Variants in NAB2 observed in about 807,000 individuals in gnomAD.
NAB2 encodes the protein NGFI-A-binding protein 2.
Under a neutral mutation model 44.2 loss-of-function variants are expected in NAB2, and 9 were observed. The ratio of observed to expected loss-of-function variants is 0.20; its 90% confidence interval spans 0.12 to 0.36. NAB2 has a LOEUF of 0.36. Ranked by LOEUF, NAB2 falls within the 10% of genes least tolerant of loss-of-function variation. The probability of loss-of-function intolerance (pLI) is 1.00; values close to 1 mark genes in which losing one functional copy is unlikely to be tolerated. For synonymous variants in NAB2, 342 were observed against 291.0 expected (o/e 1.18, Z -1.78); for missense variants, 514 against 709.0 (o/e 0.73, Z 3.12).
Position 57,092,944 on chromosome 12 carries a change from T to A in NAB2, c.1119T>A (p.Pro373=), listed in dbSNP as rs1366974268. ...TTCACCCTGAAGAACTGGGAGGCCCTCCACTGAAGAAGCTGAAACAAGAGG... is the reference window on the plus strand; with the variant it reads ...TTCACCCTGAAGAACTGGGAGGCCCACCACTGAAGAAGCTGAAACAAGAGG... ...SRLHPEELGG[P]PLKKLKQEVG... The change falls in exon 4 of 7, where the codon CCT becomes CCA. Residue 373 remains proline, a synonymous_variant. Coordinates refer to ENST00000300131, the MANE Select transcript of NAB2 (RefSeq NM_005967.4). The A allele has an allele frequency of 6.2e-7, 1 of 1,614,170 alleles. No individual in the cohort carries two copies. Among genetic ancestry groups the A allele is most frequent in the East Asian group, 2.2e-5 (1 of 44,880 alleles).
chr12:57,092,587 A>T lies in NAB2; in HGVS notation c.1091+6A>T. ...TCCTCCTTGAAGGGCTCCAGGTGAG[A>T]CCCCTTCCCCAGGTCCTTCCTGGAC... is the stretch of plus-strand genomic sequence containing the variant. On this transcript the variant is annotated splice_donor_region_variant and intron_variant, in intron 3 of 6. Transcript: ENST00000300131. The T allele has an allele frequency of 2.5e-6, 4 of 1,613,560 alleles. No homozygotes were observed. Among genetic ancestry groups the T allele is most frequent in the Non-Finnish European group, 3.4e-6 (4 of 1,179,856 alleles).
In NAB2 at chr12:57,089,329, C is replaced by A; in HGVS notation, c.58C>A (p.Arg20Ser). ...EQPPGGGDSA[R>S]RTLQPRLKPS... ...GCCGCCGGGCGGAGGGGACAGCGCCCGCCGGACCCTGCAGCCCAGACTCAA... is the reference window on the plus strand; with the variant it reads ...GCCGCCGGGCGGAGGGGACAGCGCCAGCCGGACCCTGCAGCCCAGACTCAA... The change falls in exon 1 of 7, where the codon CGC becomes AGC. Residue 20 changes from arginine (R) to serine (S), a missense_variant. Physicochemically the swap from Arg to Ser is moderately radical, Grantham distance 110. Around this residue, in one of 5 missense-constraint regions of NAB2, gnomAD observed 56 missense variants for 45.5 expected, o/e 1.23. Coordinates refer to ENST00000300131, the MANE Select transcript of NAB2 (RefSeq NM_005967.4). The A allele has an allele frequency of 6.3e-7, 1 of 1,576,384 alleles. No homozygotes were observed. The highest frequency in any genetic ancestry group is 8.6e-7 in the Non-Finnish European group (1 of 1,161,356).
rs2033197753 is a variant in NAB2, at chr12:57,091,944, C to T, written c.903C>T (p.Ile301=). The T allele has an allele frequency of 1.2e-6, 2 of 1,613,988 alleles. No individual in the cohort carries two copies. The highest frequency in any genetic ancestry group is 1.7e-6 in the Non-Finnish European group (2 of 1,179,914). ...AGGAGATCCGCAAATACAGCATCAT[C>T]TATGGCCGTTTCGACTCTAAGCGGC... The part of the protein sequence containing the change: ...KEEEIRKYSI[I]YGRFDSKRRE... The change falls in exon 2 of 7, where the codon ATC becomes ATT. Residue 301 remains isoleucine (I), a synonymous_variant. Coordinates refer to ENST00000300131, the MANE Select transcript of NAB2 (RefSeq NM_005967.4). The surrounding 1 kb of genome is among the most constrained non-coding windows in gnomAD (Gnocchi z 7.3).
chr12:57,090,066 T>A (rs2033151746), intron 1 of NAB2, among the ~76,000 whole-genome samples: 2 of 151,948 alleles, frequency 1.3e-5, no homozygotes, highest in African/African-American at 4.8e-5. Context: ...GCCCCTGAGC[T>A]GAAGGAAAAG....
chr12:57,093,640 T>C (rs2033250666), intron 6 of NAB2, 42 bp downstream of exon 6: 2 of 1,447,082 alleles, frequency 1.4e-6, no homozygotes, highest in Non-Finnish European at 1.8e-6. Flanking sequence ...CCCCGGCCAC[T>C]CAGGCCCCAC....
At position 57,091,653 on chromosome 12, in the gene NAB2, C is replaced by A; in HGVS notation, c.612C>A (p.Gly204=). ...DVGAGGEEEA[G]SPPFSPPAGG... ...GGGCAGGAGGAGAAGAGGAGGCTGG[C>A]TCGCCCCCCTTCTCCCCCCCTGCAG... The change falls in exon 2 of 7, where the codon GGC becomes GGA. Residue 204 remains glycine (G), a synonymous_variant. Coordinates refer to ENST00000300131, the MANE Select transcript of NAB2 (RefSeq NM_005967.4). This position sits in a 1 kb window ranked among gnomAD's most constrained non-coding sequence, Gnocchi z 7.3. 1 of 1,608,146 alleles carries A rather than the reference C, an allele frequency of 6.2e-7. No homozygotes were observed. Among genetic ancestry groups the A allele is most frequent in the Non-Finnish European group, 8.5e-7 (1 of 1,176,706 alleles).
intron 6 of NAB2, among the ~76,000 whole-genome samples, chr12:57,094,359 C>T (rs546577772): frequency 1.3e-5 from 2 of 151,318 alleles, no homozygotes; most frequent in East Asian, 2.0e-4. Flanking sequence ...GAAATTCCAG[C>T]GCAACCGAGG....
Position 57,091,736 on chromosome 12 carries a change from G to C in NAB2, c.695G>C (p.Gly232Ala). 1 of 1,614,084 alleles carries C rather than the reference G, an allele frequency of 6.2e-7. No individual in the cohort carries two copies. The highest frequency in any genetic ancestry group is 8.5e-7 in the Non-Finnish European group (1 of 1,179,934). Reference sequence around the variant, plus strand: ...GGGCTGGCAGCAGGTGGGACTGGGGGTGGTCCAGACCGACTGGAGCCAGAG... The same window carrying C: ...GGGCTGGCAGCAGGTGGGACTGGGGCTGGTCCAGACCGACTGGAGCCAGAG... ...AGGLAAGGTG[G>A]GPDRLEPEMV... Residue 232 changes from glycine to alanine, a missense_variant, in exon 2 of 7, where the codon GGT (glycine) becomes GCT (alanine). Transcript: ENST00000300131. This position sits in a 1 kb window ranked among gnomAD's most constrained non-coding sequence, Gnocchi z 7.3.
intron 1 of NAB2, among the ~76,000 whole-genome samples, chr12:57,089,823 C>T (rs1041079423): frequency 3.3e-5 from 5 of 152,164 alleles, no homozygotes; most frequent in African/African-American, 9.7e-5. Context: ...CGTTCCTTCC[C>T]ATATCTGTCC....
chr12:57,089,718 G>T (rs1268166692), intron 1 of NAB2, among the ~76,000 whole-genome samples: 1 of 152,118 alleles, frequency 6.6e-6, no homozygotes, highest in African/African-American at 2.4e-5. Context: ...TCAGTCCCTC[G>T]TTGGCACGGA....
chr12:57,091,908 C>T lies in NAB2; in HGVS notation c.867C>T (p.Ser289=), dbSNP rs767661383. ...GHIFEMDDND[S]QKEEEIRKYS... ...TCTTTGAGATGGATGATAATGACAG[C>T]CAGAAGGAAGAGGAGATCCGCAAAT... The change falls in exon 2 of 7, where the codon AGC becomes AGT. Residue 289 remains serine, a synonymous_variant. Coordinates refer to ENST00000300131, the MANE Select transcript of NAB2 (RefSeq NM_005967.4). This position sits in a 1 kb window ranked among gnomAD's most constrained non-coding sequence, Gnocchi z 7.3. 3.1e-6 allele frequency: 5 copies of T among 1,613,978 alleles called. No homozygotes were observed. Among genetic ancestry groups the T allele is most frequent in the Non-Finnish European group, 4.2e-6 (5 of 1,180,010 alleles).
intron 6 of NAB2, among the ~76,000 whole-genome samples, chr12:57,093,804 G>A (rs2033257861): frequency 6.6e-6 from 1 of 152,146 alleles, no homozygotes; most frequent in Non-Finnish European, 1.5e-5. Context: ...TCTGGTCCTA[G>A]TGTAGATCTG....
Position 57,091,755 on chromosome 12 carries a change from G to A in NAB2, c.714G>A (p.Glu238=). The A allele has an allele frequency of 6.2e-7, 1 of 1,614,186 alleles. No individual in the cohort carries two copies. The highest frequency in any genetic ancestry group is 8.5e-7 in the Non-Finnish European group (1 of 1,180,014). ...GGTGGGPDRL[E]PEMVRMVVES... ...CTGGGGGTGGTCCAGACCGACTGGA[G>A]CCAGAGATGGTACGCATGGTGGTGG... Residue 238 remains glutamate, a synonymous_variant, in exon 2 of 7, where the codon GAG becomes GAA. Coordinates refer to ENST00000300131, the MANE Select transcript of NAB2 (RefSeq NM_005967.4). This position sits in a 1 kb window ranked among gnomAD's most constrained non-coding sequence, Gnocchi z 7.3.
chr12:57,092,561 GTCC>G lies in NAB2; in HGVS notation c.1076_1078del (p.Ser359del). The G allele has an allele frequency of 6.2e-7, 1 of 1,614,160 alleles. No homozygotes were observed. Among genetic ancestry groups the G allele is most frequent in the Non-Finnish European group, 8.5e-7 (1 of 1,180,034 alleles). ...AAGTAGCCCGAGAGAGCACCTACTT[GTCC>G]TCCTTGAAGGGCTCCAGGTGAGACC... is the stretch of plus-strand genomic sequence containing the variant. On this transcript the variant is annotated inframe_deletion, in exon 3 of 7. Coordinates refer to ENST00000300131, the MANE Select transcript of NAB2 (RefSeq NM_005967.4).
chr12:57,092,211 TTCAGCTCCTTG>T (rs2033206262), intron 2 of NAB2: 1 of 1,044,488 alleles, frequency 9.6e-7, no homozygotes, highest in East Asian at 2.6e-5. Flanking sequence ...CACCGAGCTG[TTCAGCTCCTTG>T]TCACTCAGGA....
chr12:57,094,364 C>CCGAGGAGG (rs2033287093), intron 6 of NAB2, among the ~76,000 whole-genome samples: 1 of 151,424 alleles, frequency 6.6e-6, no homozygotes, highest in South Asian at 2.1e-4. Context: ...TCCAGCGCAA[C>CCGAGGAGG]CGAGGAGGCG....
rs1183110442 is a variant in NAB2 at position 57,095,034 on chromosome 12, C to T, written c.*313C>T. On this transcript the variant is annotated 3_prime_UTR_variant, in exon 7 of 7. Coordinates refer to ENST00000300131, the MANE Select transcript of NAB2 (RefSeq NM_005967.4). ...CACTCCCATTCTCTTTAGGTTTGCA[C>T]CAGTGGTGTGAGCAGTTGGACTCAG... 1 of 331,822 alleles carries T rather than the reference C, an allele frequency of 3.0e-6. No individual in the cohort carries two copies. The highest frequency in any genetic ancestry group is 2.1e-5 in the African/African-American group (1 of 46,616). 20.6% of individuals were successfully genotyped at this position (331,822 alleles called of 1,614,324 possible).
chr12:57,093,804 G>GTGTA (rs2033257934), intron 6 of NAB2, among the ~76,000 whole-genome samples: 1 of 152,146 alleles, frequency 6.6e-6, no homozygotes, highest in Non-Finnish European at 1.5e-5. Context: ...TCTGGTCCTA[G>GTGTA]TGTAGATCTG....
chr12:57,093,909 C>G (rs992760683), intron 6 of NAB2, among the ~76,000 whole-genome samples: 5 of 152,080 alleles, frequency 3.3e-5, no homozygotes, highest in Non-Finnish European at 7.4e-5. Context: ...GGCACTTCCA[C>G]CAACCCAGGA....
Sources: gnomAD v4.1 joint callset for allele counts (sites outside exome capture counted in the v4.1 genomes callset) on GRCh38, gnomAD v4.1.1 for gene constraint, gnomAD v4.1.1 regional missense constraint, Gnocchi (gnomAD v3.1) non-coding constraint, MANE v1.5 for transcripts, NCBI Gene and HGNC (gene_info 2026-07-23, HGNC 2026-07-21) for gene names.